Variants in EXOC2 observed in about 807,000 individuals in gnomAD.
EXOC2 encodes the protein exocyst complex component 2, also known as SEC5-like 1.
In EXOC2, 70 loss-of-function variants were observed where a neutral mutation model predicts 131.8. The observed-to-expected ratio is 0.53, with a 90% CI of 0.44 to 0.65. EXOC2 has a LOEUF of 0.65. Ranked by LOEUF, EXOC2 falls within the 30% of genes least tolerant of loss-of-function variation. EXOC2 has a pLI of 0.00. For missense variants in EXOC2, 923 were observed against 1,108.6 expected (o/e 0.83, Z 2.38); for synonymous variants, 411 against 398.4 (o/e 1.03, Z -0.38).
chr6:621,998 T>G (rs888065576), intron 4 of EXOC2, among the ~76,000 whole-genome samples: 1 of 152,186 alleles, frequency 6.6e-6, no homozygotes, highest in African/African-American at 2.4e-5. Context: ...CCCGGCTAAG[T>G]GACCCAGAAG....
chr6:497,771 G>A (rs1045027899), intron 24 of EXOC2, among the ~76,000 whole-genome samples: 2 of 152,064 alleles, frequency 1.3e-5, no homozygotes, highest in African/African-American at 2.4e-5. Flanking sequence ...CATTTCTTTT[G>A]CCTCTTGCCC....
At chr6:675,655 A>G (rs59388348) in intron 1 of EXOC2, among the ~76,000 whole-genome samples, 32,409 of 48,848 alleles carry the variant, frequency 0.66, 9,771 homozygotes, top group East Asian at 0.74. Flanking sequence ...TGGCGACTGC[A>G]GTTCCCCATA....
chr6:615,512 A>C (rs1760948952), intron 6 of EXOC2, among the ~76,000 whole-genome samples: 2 of 152,152 alleles, frequency 1.3e-5, no homozygotes, highest in African/African-American at 4.8e-5. Flanking sequence ...AGGACAAATG[A>C]CCTTGTTTCT....
At chr6:614,067 G>GAA (rs1760853641) in intron 6 of EXOC2, among the ~76,000 whole-genome samples, 1 of 152,108 alleles carries the variant, frequency 6.6e-6, no homozygotes, top group Non-Finnish European at 1.5e-5. Context: ...ATGCACCAAA[G>GAA]AATTTAATCT....
intron 1 of EXOC2, among the ~76,000 whole-genome samples, chr6:682,640 T>C (rs4960184): frequency 0.14 from 22,013 of 152,148 alleles, 1,770 homozygotes; most frequent in African/African-American, 0.21. Context: ...ACTAACAATA[T>C]TATGCATATA....
At chr6:512,652 T>C (rs1286503970) in intron 23 of EXOC2, among the ~76,000 whole-genome samples, 1 of 152,220 alleles carries the variant, frequency 6.6e-6, no homozygotes, top group Admixed American at 6.5e-5. Context: ...AACATGAAGA[T>C]ATACAAAACG....
At chr6:543,788 A>G (rs1410070034) in intron 22 of EXOC2, among the ~76,000 whole-genome samples, 1 of 152,220 alleles carries the variant, frequency 6.6e-6, no homozygotes, top group Non-Finnish European at 1.5e-5. Flanking sequence ...GGAACACATA[A>G]AAGAGAAGCT....
At chr6:603,754 T>A (rs995013408) in intron 7 of EXOC2, among the ~76,000 whole-genome samples, 2 of 152,214 alleles carry the variant, frequency 1.3e-5, no homozygotes, top group African/African-American at 4.8e-5. Flanking sequence ...TTGCACGTGG[T>A]ACTTGGGTTA....
chr6:564,197 C>A lies in EXOC2; in HGVS notation c.1668-43G>T, dbSNP rs373655536. 22 of 1,602,042 alleles carry A rather than the reference C, an allele frequency of 1.4e-5. No homozygotes were observed. The East Asian group carries it at 4.7e-4, about 34-fold the overall frequency. On this transcript the variant is annotated intron_variant, in intron 15 of 27. Coordinates refer to ENST00000230449, the MANE Select transcript of EXOC2 (RefSeq NM_018303.6). ...CAAACAGAAGTGAGCAGAGTGGGAT[C>A]GCAAAGCAATCCCTAGCATCTCTTT...
intron 23 of EXOC2, among the ~76,000 whole-genome samples, chr6:503,699 G>T (rs982723048): frequency 6.6e-5 from 10 of 152,168 alleles, no homozygotes; most frequent in Non-Finnish European, 1.3e-4. Context: ...GATAGGAACA[G>T]AGGAAGGGCA....
At chr6:583,494 A>AC (rs1329272933) in intron 11 of EXOC2, among the ~76,000 whole-genome samples, 4 of 143,090 alleles carry the variant, frequency 2.8e-5, no homozygotes, top group African/African-American at 1.2e-4. Flanking sequence ...CAGGAGACAC[A>AC]AAAAAAAGAG....
intron 1 of EXOC2, among the ~76,000 whole-genome samples, chr6:654,108 C>A (rs1167894229): frequency 6.6e-6 from 1 of 152,222 alleles, no homozygotes. Context: ...TGTTCATTAA[C>A]AATGCACCTG....
At chr6:503,733 T>TCCG (rs1764361889) in intron 23 of EXOC2, among the ~76,000 whole-genome samples, 1 of 152,164 alleles carries the variant, frequency 6.6e-6, no homozygotes, top group African/African-American at 2.4e-5. Context: ...CCAGATAGTG[T>TCCG]CCGTGTCTGG....
chr6:644,831 C>T (rs1041097340), intron 1 of EXOC2, among the ~76,000 whole-genome samples: 1 of 151,980 alleles, frequency 6.6e-6, no homozygotes, highest in African/African-American at 2.4e-5. Context: ...ACTGCAGAGA[C>T]AAAATAAAGA....
chr6:530,942 A>G (rs969227091), intron 23 of EXOC2, among the ~76,000 whole-genome samples: 3 of 152,242 alleles, frequency 2.0e-5, no homozygotes, highest in Non-Finnish European at 4.4e-5. Flanking sequence ...ATTAGGTGTT[A>G]TAAGTAATCT....
chr6:558,316 C>T (rs1447306084), intron 17 of EXOC2, among the ~76,000 whole-genome samples: 3 of 151,964 alleles, frequency 2.0e-5, no homozygotes, highest in Non-Finnish European at 4.4e-5. Context: ...AGTGAAAGTA[C>T]AAAAACAGTA....
At chr6:488,717 A>T (rs963468619) in intron 27 of EXOC2, among the ~76,000 whole-genome samples, 1 of 152,194 alleles carries the variant, frequency 6.6e-6, no homozygotes, top group African/African-American at 2.4e-5. Context: ...TATACCAGTC[A>T]CTTGAAACGA....
chr6:658,723 G>A (rs770463323), intron 1 of EXOC2, among the ~76,000 whole-genome samples: 6 of 143,334 alleles, frequency 4.2e-5, no homozygotes, highest in Admixed American at 1.4e-4. Flanking sequence ...GTGCAATGGC[G>A]TGATCTCGGC....
intron 1 of EXOC2, among the ~76,000 whole-genome samples, 185 bp from the exon 2 acceptor site, chr6:638,046 C>G (rs1419987015): frequency 6.6e-6 from 1 of 152,156 alleles, no homozygotes; most frequent in African/African-American, 2.4e-5. Flanking sequence ...TAAGGACACT[C>G]TGGTTAGTAT....
Sources: allele counts gnomAD v4.1 joint callset (sites outside exome capture counted in the v4.1 genomes callset), GRCh38; gene constraint gnomAD v4.1.1; transcripts MANE v1.5; gene names NCBI Gene and HGNC (gene_info 2026-07-23, HGNC 2026-07-21).